The following MCTP1 variants were observed in gnomAD, a reference collection of about 807,000 sequenced individuals.
The protein encoded by MCTP1 is multiple C2 and transmembrane domain-containing protein 1.
Under a neutral mutation model 120.6 loss-of-function variants are expected in MCTP1, and 69 were observed. That is an observed-to-expected ratio of 0.57 (90% confidence interval 0.47 to 0.70). The LOEUF (loss-of-function observed/expected upper bound fraction) is 0.70, where lower values mean the gene tolerates loss of function less well. Ranked by LOEUF, MCTP1 falls within the 30% of genes least tolerant of loss-of-function variation. MCTP1 has a pLI of 0.00. For missense variants in MCTP1, 1,203 were observed against 1,248.8 expected (o/e 0.96, Z 0.55); for synonymous variants, 529 against 493.1 (o/e 1.07, Z -0.96).
At chr5:94,891,882 G>A (rs1286160788) in intron 11 of MCTP1, among the ~76,000 whole-genome samples, 3 of 152,124 alleles carry the variant, frequency 2.0e-5, no homozygotes, top group Admixed American at 6.5e-5. Context: ...CTAAAAACCC[G>A]GATGGCTTCT....
intron 17 of MCTP1, among the ~76,000 whole-genome samples, chr5:94,843,521 G>A (rs1791605638): frequency 6.6e-6 from 1 of 152,184 alleles, no homozygotes; most frequent in Non-Finnish European, 1.5e-5. Context: ...CACAAGGTTA[G>A]GAAGTTAGGT....
intron 1 of MCTP1, among the ~76,000 whole-genome samples, chr5:95,156,658 C>A (rs907147308): frequency 1.3e-5 from 2 of 152,178 alleles, no homozygotes; most frequent in African/African-American, 4.8e-5. Context: ...AAATGACTCA[C>A]TGAAGAACAC....
At chr5:94,911,229 T>C (rs1041685288) in intron 9 of MCTP1, among the ~76,000 whole-genome samples, 1 of 152,242 alleles carries the variant, frequency 6.6e-6, no homozygotes, top group Non-Finnish European at 1.5e-5. Context: ...GAATGTGATC[T>C]TTAATACAAG....
intron 1 of MCTP1, among the ~76,000 whole-genome samples, chr5:95,023,094 T>G (rs1254474491): frequency 6.6e-6 from 1 of 152,040 alleles, no homozygotes; most frequent in Non-Finnish European, 1.5e-5. Flanking sequence ...AAAGGAAGAC[T>G]GATATACAGT....
At chr5:95,012,657 A>G (rs1208389923) in intron 2 of MCTP1, among the ~76,000 whole-genome samples, 1 of 152,104 alleles carries the variant, frequency 6.6e-6, no homozygotes, top group Non-Finnish European at 1.5e-5. Flanking sequence ...GATCTTTGAC[A>G]TTACTATTGT....
chr5:95,209,812 G>A (rs1291271695), intron 1 of MCTP1, among the ~76,000 whole-genome samples: 3 of 152,256 alleles, frequency 2.0e-5, no homozygotes, highest in South Asian at 2.1e-4. Flanking sequence ...GGCATTTAGT[G>A]CTATAAATTT....
rs576693658 is a variant in MCTP1, at chr5:95,189,955, G to A, written c.720+93901C>T. Among the ~76,000 whole-genome samples, 4 of 152,100 alleles carry A rather than the reference G, an allele frequency of 2.6e-5. No individual in the cohort carries two copies. In the East Asian group the frequency reaches 7.7e-4, roughly 29 times the overall value. On this transcript the variant is annotated intron_variant, in intron 1 of 22. Transcript: ENST00000515393. ...AATAGAGCAGGAGATTAAATGATAT[G>A]GAAAATATTAATTAGTGGGCTTAAT...
intron 1 of MCTP1, among the ~76,000 whole-genome samples, chr5:95,221,233 T>A (rs1316828804): frequency 6.6e-6 from 1 of 152,192 alleles, no homozygotes; most frequent in Non-Finnish European, 1.5e-5. Flanking sequence ...AAAACCACTG[T>A]GATTTCATTA....
At chr5:94,949,918 C>T (rs34339144) in intron 3 of MCTP1, among the ~76,000 whole-genome samples, 6,006 of 152,098 alleles carry the variant, frequency 0.039, 166 homozygotes, top group Middle Eastern at 0.092. Flanking sequence ...AAAAATGATG[C>T]AATTTTTATG....
intron 1 of MCTP1, among the ~76,000 whole-genome samples, chr5:95,217,246 A>T (rs1753140501): frequency 6.6e-6 from 1 of 152,202 alleles, no homozygotes; most frequent in Admixed American, 6.5e-5. Flanking sequence ...CATTAACATT[A>T]CCTTTTAAAT....
At chr5:94,759,544 A>G (rs1023231969) in intron 19 of MCTP1, among the ~76,000 whole-genome samples, 1 of 152,248 alleles carries the variant, frequency 6.6e-6, no homozygotes, top group Non-Finnish European at 1.5e-5. Flanking sequence ...AAGGGTTACA[A>G]CATCCCTACG....
chr5:95,237,993 T>C (rs887297257), intron 1 of MCTP1, among the ~76,000 whole-genome samples: 3 of 152,140 alleles, frequency 2.0e-5, no homozygotes, highest in Non-Finnish European at 2.9e-5. Flanking sequence ...AATATTCACA[T>C]TGATATGACC....
chr5:95,056,175 T>C (rs1352886752), intron 1 of MCTP1, among the ~76,000 whole-genome samples: 1 of 152,248 alleles, frequency 6.6e-6, no homozygotes, highest in Non-Finnish European at 1.5e-5. Context: ...TTGGCTTGAA[T>C]TTCCACACAT....
Position 94,870,400 on chromosome 5 carries a change from C to A in MCTP1, c.2316+17G>T. The A allele has an allele frequency of 6.5e-7, 1 of 1,549,710 alleles. No individual in the cohort carries two copies. The highest frequency in any genetic ancestry group is 8.9e-7 in the Non-Finnish European group (1 of 1,122,326). On this transcript the variant is annotated intron_variant, in intron 16 of 22. Transcript: ENST00000515393. The stretch of plus-strand genomic sequence containing the variant: ...ATCAGGTCTTCCCAGAGGGATTAAT[C>A]TTTTCTTGCTTTTTACCTGTTTAGA...
intron 2 of MCTP1, among the ~76,000 whole-genome samples, chr5:94,998,142 G>T (rs759471325): frequency 6.6e-6 from 1 of 151,850 alleles, no homozygotes; most frequent in Non-Finnish European, 1.5e-5. Flanking sequence ...GCTTTGTTTT[G>T]GTATTTTATG....
At chr5:95,124,992 T>C (rs1758515425) in intron 1 of MCTP1, among the ~76,000 whole-genome samples, 1 of 152,208 alleles carries the variant, frequency 6.6e-6, no homozygotes, top group African/African-American at 2.4e-5. Flanking sequence ...TGAAGATCCT[T>C]CAGTAGTGAT....
At chr5:95,271,578 G>A (rs1759403452) in intron 1 of MCTP1, among the ~76,000 whole-genome samples, 1 of 152,030 alleles carries the variant, frequency 6.6e-6, no homozygotes, top group African/African-American at 2.4e-5. Context: ...AAACACTAAT[G>A]ATTGATATTA....
At chr5:95,017,907 C>G (rs1837427575) in intron 1 of MCTP1, among the ~76,000 whole-genome samples, 1 of 152,084 alleles carries the variant, frequency 6.6e-6, no homozygotes, top group African/African-American at 2.4e-5. Flanking sequence ...CAGGTGACTG[C>G]TGACTCATTT....
At chr5:95,124,651 A>G (rs1369282641) in intron 1 of MCTP1, among the ~76,000 whole-genome samples, 1 of 152,184 alleles carries the variant, frequency 6.6e-6, no homozygotes, top group Non-Finnish European at 1.5e-5. Context: ...GTAAAGTCCT[A>G]TCCCAGCCTT....
Sources: allele counts gnomAD v4.1 joint callset (sites outside exome capture counted in the v4.1 genomes callset), GRCh38; gene constraint gnomAD v4.1.1; transcripts MANE v1.5; gene names NCBI Gene and HGNC (gene_info 2026-07-23, HGNC 2026-07-21).